Variants in ARMC1 observed in about 807,000 individuals in gnomAD.
ARMC1 encodes the protein armadillo repeat containing 1.
ARMC1 carries 16 observed loss-of-function variants against 31.4 expected under a neutral mutation model. The ratio of observed to expected loss-of-function variants is 0.51; its 90% confidence interval spans 0.34 to 0.77. The LOEUF is 0.77. Ranked by LOEUF, ARMC1 falls within the 30% of genes least tolerant of loss-of-function variation. ARMC1 has a pLI of 0.01. For missense variants in ARMC1, 259 were observed against 347.5 expected (o/e 0.75, Z 2.02); for synonymous variants, 114 against 118.9 (o/e 0.96, Z 0.27).
chr8:65,628,391 ATTTTTTTTTT>A (rs763494218), intron 1 of ARMC1, among the ~76,000 whole-genome samples: 5 of 78,812 alleles, frequency 6.3e-5, no homozygotes, highest in African/African-American at 2.0e-4. Flanking sequence ...CGCCCGGCTA[ATTTTTTTTTT>A]TTTTTTTTTT....
intron 4 of ARMC1, among the ~76,000 whole-genome samples, chr8:65,607,801 C>T (rs999284505): frequency 6.6e-6 from 1 of 152,100 alleles, no homozygotes; most frequent in South Asian, 2.1e-4. Context: ...GCATTTCATT[C>T]CATTTATTCC....
At chr8:65,614,927 T>C (rs1270440173) in intron 3 of ARMC1, among the ~76,000 whole-genome samples, 2 of 152,228 alleles carry the variant, frequency 1.3e-5, no homozygotes, top group Admixed American at 1.3e-4. Flanking sequence ...CTTGTACTTA[T>C]ACTACTGATC....
chr8:65,605,209 TA>T, intron 6 of ARMC1, 53 bp downstream of exon 6: 1 of 1,465,968 alleles, frequency 6.8e-7, no homozygotes, highest in Non-Finnish European at 9.4e-7. Context: ...CTGCTAGCCA[TA>T]AAAAATAATT....
intron 4 of ARMC1, among the ~76,000 whole-genome samples, chr8:65,608,942 T>A (rs1240758779): frequency 6.6e-6 from 1 of 151,868 alleles, no homozygotes; most frequent in Middle Eastern, 3.2e-3. Flanking sequence ...AAGATATACA[T>A]CTCTCTGTGC....
rs763104614 is a variant in ARMC1 at position 65,613,446 on chromosome 8, C to T, written c.276-13G>A. On this transcript the variant is annotated splice_polypyrimidine_tract_variant and intron_variant, in intron 3 of 6. Transcript: ENST00000276569. Reference sequence around the variant, plus strand: ...TGGAGTTGTAGTTCTTGAAAAGAAACACATATATAATTAGTCTTGTCACTT... The same window carrying T: ...TGGAGTTGTAGTTCTTGAAAAGAAATACATATATAATTAGTCTTGTCACTT... 1 of 1,547,120 alleles carries T rather than the reference C, an allele frequency of 6.5e-7. No individual in the cohort carries two copies. The highest frequency in any genetic ancestry group is 8.7e-7 in the Non-Finnish European group (1 of 1,145,790).
rs185770166 is a variant in ARMC1, at chr8:65,608,040, G to A, written c.466-2502C>T. On this transcript the variant is annotated intron_variant, in intron 4 of 6. Coordinates refer to ENST00000276569, the MANE Select transcript of ARMC1 (RefSeq NM_018120.6). ...TTTCCATATATTTAATAATGTCACT[G>A]GATTTTTAAAATATTTTTAAGAAAT... Among the ~76,000 whole-genome samples the A allele has an allele frequency of 2.8e-3, 430 of 152,028 alleles. 1 individual carries two copies. The highest frequency in any genetic ancestry group is 9.9e-3 in the African/African-American group (409 of 41,450).
intron 4 of ARMC1, 72 bp downstream of exon 4, chr8:65,613,172 G>T: frequency 8.1e-7 from 1 of 1,231,240 alleles, no homozygotes; most frequent in Non-Finnish European, 1.1e-6. Context: ...TATTCTCAAA[G>T]ACTGTTAGCA....
At chr8:65,631,778 C>A (rs1045633665) in intron 1 of ARMC1, among the ~76,000 whole-genome samples, 1 of 151,916 alleles carries the variant, frequency 6.6e-6, no homozygotes, top group South Asian at 2.1e-4. Flanking sequence ...GAGGCTGAGG[C>A]AGGAGACTGG....
intron 3 of ARMC1, among the ~76,000 whole-genome samples, chr8:65,616,465 C>T (rs146107538): frequency 0.12 from 18,194 of 152,244 alleles, 1,240 homozygotes; most frequent in Middle Eastern, 0.17. Context: ...AGTGCAGTGG[C>T]GTAATCTCGG....
At chr8:65,619,759 G>A (rs756194402) in intron 3 of ARMC1, among the ~76,000 whole-genome samples, 36 of 151,820 alleles carry the variant, frequency 2.4e-4, no homozygotes, top group African/African-American at 3.9e-4. Flanking sequence ...TGAGACGGGC[G>A]GATCACCTGA....
intron 4 of ARMC1, among the ~76,000 whole-genome samples, chr8:65,611,483 T>C (rs1585705641): frequency 1.6e-5 from 1 of 61,336 alleles, no homozygotes; most frequent in South Asian, 4.8e-4. Context: ...TTCTAGTTTC[T>C]TTTTTTTTCT....
chr8:65,612,652 C>T (rs890729011), intron 4 of ARMC1, among the ~76,000 whole-genome samples: 1 of 151,368 alleles, frequency 6.6e-6, no homozygotes, highest in African/African-American at 2.4e-5. Flanking sequence ...CACCTGAGGT[C>T]AGGAGTTGAG....
At chr8:65,631,575 G>A (rs1473135431) in intron 1 of ARMC1, among the ~76,000 whole-genome samples, 2 of 152,208 alleles carry the variant, frequency 1.3e-5, no homozygotes, top group Non-Finnish European at 2.9e-5. Flanking sequence ...TCTGTGGATT[G>A]CAGCGTTCAC....
At chr8:65,631,164 G>C (rs1192185934) in intron 1 of ARMC1, among the ~76,000 whole-genome samples, 3 of 152,164 alleles carry the variant, frequency 2.0e-5, no homozygotes, top group Non-Finnish European at 2.9e-5. Flanking sequence ...TCACAGTTAA[G>C]ACTCATTTTT....
chr8:65,610,582 C>G (rs992794041), intron 4 of ARMC1, among the ~76,000 whole-genome samples: 2 of 151,848 alleles, frequency 1.3e-5, no homozygotes, highest in African/African-American at 4.8e-5. Flanking sequence ...GTAATCCCAG[C>G]TACTTGGGAG....
chr8:65,627,601 T>G (rs1808541299), intron 1 of ARMC1, among the ~76,000 whole-genome samples, 168 bp from the exon 2 acceptor site: 1 of 152,140 alleles, frequency 6.6e-6, no homozygotes, highest in Non-Finnish European at 1.5e-5. Flanking sequence ...AAAATGAACG[T>G]AAGACGACTG....
At position 65,603,410 on chromosome 8, in the gene ARMC1, A is replaced by G. The variant is rs1234035603; in HGVS notation, c.*984T>C. The G allele has an allele frequency of 1.3e-5, 2 of 152,248 alleles. No individual in the cohort carries two copies. Among genetic ancestry groups the G allele is most frequent in the African/African-American group, 2.4e-5 (1 of 41,468 alleles). 9.4% of individuals were successfully genotyped at this position (152,248 alleles called of 1,614,324 possible). On this transcript the variant is annotated 3_prime_UTR_variant, in exon 7 of 7. Transcript: ENST00000276569. ...AGACAATACAAAGAAACACCTACTG[A>G]ATAGAACTCTGTCGAGCAATTCATG...
intron 3 of ARMC1, among the ~76,000 whole-genome samples, chr8:65,620,729 A>G (rs1347831405): frequency 2.0e-5 from 3 of 151,508 alleles, no homozygotes; most frequent in South Asian, 2.1e-4. Context: ...CACTGCTTCT[A>G]TCCCTCTGAC....
At chr8:65,632,346 A>AAAT (rs771257935) in intron 1 of ARMC1, among the ~76,000 whole-genome samples, 65 of 151,936 alleles carry the variant, frequency 4.3e-4, no homozygotes, top group Non-Finnish European at 7.2e-4. Context: ...GCTCATCTCA[A>AAAT]AATAATAATA....
Sources: allele counts gnomAD v4.1 joint callset (sites outside exome capture counted in the v4.1 genomes callset), GRCh38; gene constraint gnomAD v4.1.1; transcripts MANE v1.5; gene names NCBI Gene and HGNC (gene_info 2026-07-23, HGNC 2026-07-21).